MKNK2: variants seen among roughly 807,000 people sequenced by gnomAD.
MKNK2 encodes MAP kinase-interacting serine/threonine-protein kinase 2.
A neutral mutation model predicts 55.0 loss-of-function variants in MKNK2; 54 were observed. The observed-to-expected ratio is 0.98, with a 90% CI of 0.79 to 1.23. The LOEUF is 1.23. Among genes scored for constraint, MKNK2 ranks in the 50% most tolerant of loss-of-function variants. The probability of loss-of-function intolerance (pLI) is 0.00; values close to 1 mark genes in which losing one functional copy is unlikely to be tolerated. For missense variants in MKNK2, 685 were observed against 632.1 expected (o/e 1.08, Z -0.90); for synonymous variants, 323 against 256.0 (o/e 1.26, Z -2.50).
chr19:2,042,192 C>A, intron 10 of MKNK2, 158 bp from the exon 11 acceptor site: 1 of 756,012 alleles, frequency 1.3e-6, no homozygotes. Flanking sequence ...GCCCAATCAG[C>A]AGGTGCAGAG....
intron 12 of MKNK2, chr19:2,040,455 T>C (rs2016852124): frequency 2.2e-6 from 1 of 452,084 alleles, no homozygotes; most frequent in Non-Finnish European, 3.9e-6. Context: ...AAGCCCCATC[T>C]CTCCCGGCTG....
intron 5 of MKNK2, 103 bp from the exon 6 acceptor site, chr19:2,043,685 G>A (rs557829875): frequency 3.7e-5 from 38 of 1,032,838 alleles, no homozygotes; most frequent in Non-Finnish European, 3.8e-5. Context: ...CACACTTAAC[G>A]CCCTGCAACT....
In MKNK2 at chr19:2,039,684, T is replaced by A. The variant is rs764663815; in HGVS notation, c.1327A>T (p.Lys443Ter). The change falls in exon 14 of 14, where the codon AAG (lysine) becomes TAG (stop). Residue 443 changes from lysine to a stop codon, truncating the protein, a stop_gained. Transcript: ENST00000250896. LOFTEE classifies it high-confidence loss of function. Reference protein sequence around the residue: ...CLQLSPPSQSKLAQRRQRASL... With the variant: ...CLQLSPPSQS ...GCCCTTTGCCGCCGCTGCGCCAGCT[T>A]GGACTGGGAGGGTGGAGACAGCTGC... 1 of 1,613,180 alleles carries A rather than the reference T, an allele frequency of 6.2e-7. No homozygotes were observed. The highest frequency in any genetic ancestry group is 1.7e-5 in the Admixed American group (1 of 60,024).
chr19:2,038,100 AC>A lies in MKNK2; in HGVS notation c.*1512del, dbSNP rs1248919745. ...CAGTGGGGACCAGGGAAGGCAGAGC[AC>A]CCCCACGGCCACCGGACTGTGACCA... On this transcript the variant is annotated 3_prime_UTR_variant, in exon 14 of 14. Transcript: ENST00000250896. 9.8e-6 allele frequency: 11 copies of A among 1,122,814 alleles called. No homozygotes were observed. Among genetic ancestry groups the A allele is most frequent in the African/African-American group, 1.6e-5 (1 of 60,820 alleles). The allele number at this position is 1,122,814 out of a possible 1,614,324, so 69.6% of individuals were successfully genotyped here.
Position 2,037,647 on chromosome 19 carries a change from T to C in MKNK2, c.*1966A>G. ...ACTTTTGAGGTTTTTTTTTTTTTTT[T>C]GTCTTTTAAAAACATCGTAACATTA... On this transcript the variant is annotated 3_prime_UTR_variant, in exon 14 of 14. Coordinates refer to ENST00000250896, the MANE Select transcript of MKNK2 (RefSeq NM_199054.3). The C allele has an allele frequency of 1.2e-6, 1 of 865,560 alleles. No homozygotes were observed. Among genetic ancestry groups the C allele is most frequent in the Non-Finnish European group, 1.5e-6 (1 of 645,304 alleles). The allele number at this position is 865,560 out of a possible 1,614,324, so 53.6% of individuals were successfully genotyped here.
rs893580537 is a variant in MKNK2, at chr19:2,040,183, A to G, written c.1111-6T>C. ...AAGGTGTTCTCCGGGGCGCACTGCA[A>G]CGAGAGTGGGCGGGGGCAGGGCTGG... On this transcript the variant is annotated splice_polypyrimidine_tract_variant and splice_region_variant and intron_variant, in intron 12 of 13. Transcript: ENST00000250896. 1.7e-5 allele frequency: 27 copies of G among 1,575,888 alleles called. No homozygotes were observed. Among genetic ancestry groups the G allele is most frequent in the Non-Finnish European group, 2.3e-5 (27 of 1,161,634 alleles).
chr19:2,042,746 C>A lies in MKNK2; in HGVS notation c.598+20G>T. On this transcript the variant is annotated intron_variant, in intron 8 of 13. Coordinates refer to ENST00000250896, the MANE Select transcript of MKNK2 (RefSeq NM_199054.3). ...CTTGGCAGGCGGCCCTAGGAGACTC[C>A]GGGCGGGGTCACCACCTACCTTTGT... The A allele has an allele frequency of 6.4e-7, 1 of 1,555,086 alleles. No individual in the cohort carries two copies. Among genetic ancestry groups the A allele is most frequent in the Non-Finnish European group, 8.7e-7 (1 of 1,146,280 alleles).
In MKNK2 at chr19:2,037,631, G is replaced by GTTT. The variant is rs71652796; in HGVS notation, c.*1979_*1981dup. On this transcript the variant is annotated 3_prime_UTR_variant, in exon 14 of 14. Coordinates refer to ENST00000250896, the MANE Select transcript of MKNK2 (RefSeq NM_199054.3). ...CCCCCACTTTAAAAAAACTTTTGAG[G>GTTT]TTTTTTTTTTTTTTTTGTCTTTTAA... The GTTT allele has an allele frequency of 2.8e-4, 168 of 591,330 alleles. No individual in the cohort carries two copies. The highest frequency in any genetic ancestry group is 5.0e-4 in the South Asian group (8 of 15,966). The allele number at this position is 591,330 out of a possible 1,614,324, so 36.6% of individuals were successfully genotyped here. A position where few individuals can be genotyped will look rare whatever the true frequency, so the allele number is the denominator to read the frequency against.
At chr19:2,040,905 G>A (rs1568235431) in intron 12 of MKNK2, 135 bp downstream of exon 12, 1 of 892,548 alleles carries the variant, frequency 1.1e-6, no homozygotes, top group Non-Finnish European at 1.7e-6. Flanking sequence ...CTCATCCCAG[G>A]GCAGAGCCTG....
At position 2,040,022 on chromosome 19, in the gene MKNK2, G is replaced by A. The variant is rs1363695160; in HGVS notation, c.1154+112C>T. 5 of 1,408,554 alleles carry A rather than the reference G, an allele frequency of 3.5e-6. No individual in the cohort carries two copies. In the African/African-American group the frequency reaches 5.7e-5, roughly 16 times the overall value. 87.3% of individuals were successfully genotyped at this position (1,408,554 alleles called of 1,614,324 possible). A position where few individuals can be genotyped will look rare whatever the true frequency, so the allele number is the denominator to read the frequency against. On this transcript the variant is annotated intron_variant, in intron 13 of 13. Coordinates refer to ENST00000250896, the MANE Select transcript of MKNK2 (RefSeq NM_199054.3). ...ACCGGGAGCTTCACTGAGTCACCAG[G>A]CTTGCCTGCCTCCCCGACCCCAAAG...
chr19:2,042,978 T>C, intron 7 of MKNK2, 108 bp from the exon 8 acceptor site: 1 of 1,345,804 alleles, frequency 7.4e-7, no homozygotes, highest in Non-Finnish European at 1.0e-6. Context: ...CCACACTGGC[T>C]TCCTCCAGCA....
At chr19:2,041,801 G>A (rs1297871948) in intron 11 of MKNK2, 39 bp downstream of exon 11, 30 of 1,464,852 alleles carry the variant, frequency 2.0e-5, no homozygotes, top group Non-Finnish European at 2.7e-5. Flanking sequence ...CCCGGGGGAG[G>A]AGGGTGCCCA....
chr19:2,043,025 C>T (rs950324775), intron 7 of MKNK2, 99 bp downstream of exon 7: 1 of 1,291,610 alleles, frequency 7.7e-7, no homozygotes, highest in African/African-American at 1.5e-5. Flanking sequence ...TTGGGCAGGA[C>T]ACTCACCCCA....
In MKNK2 at chr19:2,042,882, AG is replaced by A; in HGVS notation, c.494-13del. 1.9e-6 allele frequency: 3 copies of A among 1,556,538 alleles called. No individual in the cohort carries two copies. The highest frequency in any genetic ancestry group is 2.6e-6 in the Non-Finnish European group (3 of 1,149,840). On this transcript the variant is annotated splice_polypyrimidine_tract_variant and intron_variant, in intron 7 of 13. Coordinates refer to ENST00000250896, the MANE Select transcript of MKNK2 (RefSeq NM_199054.3). ...GCTCAGGATGGAGCCTGGGCAGGGC[AG>A]GGCAGGGCAGGACAGGGGGAACACG...
Position 2,042,560 on chromosome 19 carries a change from A to ACGCGGTCCACCCCTCC in MKNK2, c.654+31_655-39dup, listed in dbSNP as rs748045521. 8.9e-5 allele frequency: 141 copies of ACGCGGTCCACCCCTCC among 1,577,390 alleles called. No individual in the cohort carries two copies. The African/African-American group carries it at 1.7e-3, about 19-fold the overall frequency. Reference sequence around the variant, plus strand: ...AAAAGGTCCGTGAGCCTGGGGTCCCACGCGGTCCACCCCTCCCGCGGGGCC... The same window carrying ACGCGGTCCACCCCTCC: ...AAAAGGTCCGTGAGCCTGGGGTCCCACGCGGTCCACCCCTCCCGCGGTCCACCCCTCCCGCGGGGCC... On this transcript the variant is annotated intron_variant, in intron 9 of 13. Coordinates refer to ENST00000250896, the MANE Select transcript of MKNK2 (RefSeq NM_199054.3).
Position 2,043,179 on chromosome 19 carries a change from A to G in MKNK2, c.438T>C (p.Ile146=), listed in dbSNP as rs201492055. 6.2e-7 allele frequency: 1 copy of G among 1,604,536 alleles called. No individual in the cohort carries two copies. Among genetic ancestry groups the G allele is most frequent in the East Asian group, 2.2e-5 (1 of 44,814 alleles). The change falls in exon 7 of 14, where the codon ATT becomes ATC. Residue 146 remains isoleucine (I), a synonymous_variant. Transcript: ENST00000250896. ...CQGHRNVLEL[I]EFFEEEDRFY... ...AGCGGTCCTCCTCCTCGAAGAACTC[A>G]ATCAGCTCTAGGACGTTCCTGGGGT...
rs377437880 is a variant in MKNK2 at position 2,041,112 on chromosome 19, G to A, written c.1038C>T (p.Ser346=). The change falls in exon 12 of 14, where the codon TCC becomes TCT. Residue 346 remains serine (S), a synonymous_variant. Transcript: ENST00000250896. ...GCTTGGCGTCACGGACCAGCAGCTT[G>A]GAGATGAGGTCTTTGGCAGCGCAGG... is the stretch of plus-strand genomic sequence containing the variant. The part of the protein sequence containing the change: ...HISCAAKDLI[S]KLLVRDAKQR... The A allele has an allele frequency of 1.2e-6, 2 of 1,613,958 alleles. No individual in the cohort carries two copies. Among genetic ancestry groups the A allele is most frequent in the Non-Finnish European group, 8.5e-7 (1 of 1,179,974 alleles).
At chr19:2,048,674 A>G (rs113923076) in intron 2 of MKNK2, among the ~76,000 whole-genome samples, 7 of 152,012 alleles carry the variant, frequency 4.6e-5, no homozygotes, top group African/African-American at 1.7e-4. Context: ...AGGCCAGGAG[A>G]TGGGTGGAGG....
In MKNK2 at chr19:2,051,162, T is replaced by A. The variant is rs933462047; in HGVS notation, c.-163A>T. 1 of 159,368 alleles carries A rather than the reference T, an allele frequency of 6.3e-6. No individual in the cohort carries two copies. The highest frequency in any genetic ancestry group is 1.4e-5 in the Non-Finnish European group (1 of 73,150). The allele number at this position is 159,368 out of a possible 1,614,324, so 9.9% of individuals were successfully genotyped here. On this transcript the variant is annotated 5_prime_UTR_variant, in exon 1 of 14. Coordinates refer to ENST00000250896, the MANE Select transcript of MKNK2 (RefSeq NM_199054.3). ...CCACGTCGCGCAGCCCGGACCCCGC[T>A]CCGCGGACCGCGCGGGGAACAGCGC...
Sources: allele counts gnomAD v4.1 joint callset (sites outside exome capture counted in the v4.1 genomes callset), GRCh38; gene constraint gnomAD v4.1.1; transcripts MANE v1.5; gene names NCBI Gene and HGNC (gene_info 2026-07-23, HGNC 2026-07-21).